Variants in DLGAP1 observed in about 807,000 individuals in gnomAD.
DLGAP1 encodes the protein DLG associated protein 1.
A neutral mutation model predicts 90.8 loss-of-function variants in DLGAP1; 11 were observed. The observed-to-expected ratio is 0.12, with a 90% CI of 0.08 to 0.20. The LOEUF is 0.20. Ranked by LOEUF, DLGAP1 falls within the 10% of genes least tolerant of loss-of-function variation. The probability of loss-of-function intolerance (pLI) is 1.00; values close to 1 mark genes in which losing one functional copy is unlikely to be tolerated. For synonymous variants in DLGAP1, 558 were observed against 540.7 expected, an observed-to-expected ratio of 1.03 and a Z score of -0.44; for missense variants, 1,050 against 1,333.8, an observed-to-expected ratio of 0.79 and a Z score of 3.31.
At chr18:4,029,244 C>T (rs1424318509) in intron 2 of DLGAP1, among the ~76,000 whole-genome samples, 1 of 152,148 alleles carries the variant, frequency 6.6e-6, no homozygotes, top group African/African-American at 2.4e-5. Context: ...TCTCTTTATT[C>T]ATTCAACCAC....
At chr18:3,614,316 G>T (rs2057757338) in intron 7 of DLGAP1, among the ~76,000 whole-genome samples, 1 of 152,150 alleles carries the variant, frequency 6.6e-6, no homozygotes, top group Admixed American at 6.6e-5. Flanking sequence ...ATATTGAACT[G>T]GGGTTCTGGG....
chr18:3,567,655 T>A, intron 8 of DLGAP1, 74 bp from the exon 9 acceptor site: 1 of 1,346,106 alleles, frequency 7.4e-7, no homozygotes. Flanking sequence ...TCACATTTTA[T>A]GAGAAAAATC....
chr18:4,454,069 A>C lies in DLGAP1; in HGVS notation c.-267+937T>G, dbSNP rs561403554. Reference sequence around the variant, plus strand: ...TGTCTCCGGCGCCGGCAGCCGAGCCACGGGCCACCCCTTCCCACGGCCTCC... The same window carrying C: ...TGTCTCCGGCGCCGGCAGCCGAGCCCCGGGCCACCCCTTCCCACGGCCTCC... On this transcript the variant is annotated intron_variant, in intron 1 of 12. Coordinates refer to ENST00000315677, the MANE Select transcript of DLGAP1 (RefSeq NM_004746.4). This position sits in a 1 kb window ranked among gnomAD's most constrained non-coding sequence, Gnocchi z 4.7. Among the ~76,000 whole-genome samples the C allele has an allele frequency of 2.0e-3, 303 of 152,312 alleles. 2 individuals are homozygous for C. Among genetic ancestry groups the C allele is most frequent in the Non-Finnish European group, 3.5e-3 (235 of 68,024 alleles).
chr18:3,751,885 T>C (rs1396786682), intron 5 of DLGAP1, among the ~76,000 whole-genome samples: 4 of 127,448 alleles, frequency 3.1e-5, no homozygotes, highest in Admixed American at 2.4e-4. Context: ...TTCTTCTTCT[T>C]TTTTTTTTTT....
At chr18:3,999,990 T>C (rs1360012656) in intron 3 of DLGAP1, among the ~76,000 whole-genome samples, 1 of 152,112 alleles carries the variant, frequency 6.6e-6, no homozygotes, top group Non-Finnish European at 1.5e-5. Context: ...TTAAAAATGT[T>C]TTTGTAGGGA....
At chr18:3,772,003 A>C (rs1244631293) in intron 5 of DLGAP1, among the ~76,000 whole-genome samples, 1 of 152,268 alleles carries the variant, frequency 6.6e-6, no homozygotes, top group Non-Finnish European at 1.5e-5. Flanking sequence ...GCGCAAATTT[A>C]AAATACAATA....
rs370643239 is a variant in DLGAP1 at position 4,351,698 on chromosome 18, C to T, written c.-267+103308G>A. On this transcript the variant is annotated intron_variant, in intron 1 of 12. Transcript: ENST00000315677. ...GAGTAGCTAGTCAGTTATCAGTTATCAAAGTATGAGTTTCATCATGAATAG... is the reference window on the plus strand; with the variant it reads ...GAGTAGCTAGTCAGTTATCAGTTATTAAAGTATGAGTTTCATCATGAATAG... Among the ~76,000 whole-genome samples the T allele has an allele frequency of 4.6e-5, 7 of 152,248 alleles. No individual in the cohort carries two copies. In the East Asian group the frequency reaches 9.7e-4, roughly 21 times the overall value.
At chr18:3,601,782 T>C (rs1599474752) in intron 7 of DLGAP1, among the ~76,000 whole-genome samples, 1 of 144,576 alleles carries the variant, frequency 6.9e-6, no homozygotes, top group African/African-American at 2.6e-5. Context: ...GAAGCGGAGG[T>C]TGCAGCAAGC....
At chr18:4,382,946 G>A (rs1248374604) in intron 1 of DLGAP1, among the ~76,000 whole-genome samples, 1 of 152,114 alleles carries the variant, frequency 6.6e-6, no homozygotes, top group Non-Finnish European at 1.5e-5. Context: ...GGGCAACTAA[G>A]AACCTTGGAA....
At chr18:3,834,612 G>T (rs1001738984) in intron 4 of DLGAP1, among the ~76,000 whole-genome samples, 3 of 152,104 alleles carry the variant, frequency 2.0e-5, no homozygotes, top group African/African-American at 7.2e-5. Flanking sequence ...GAATGTGTAC[G>T]TACACATATA....
intron 1 of DLGAP1, among the ~76,000 whole-genome samples, chr18:4,296,116 G>A (rs753044534): frequency 1.3e-5 from 2 of 152,180 alleles, no homozygotes; most frequent in African/African-American, 2.4e-5. Flanking sequence ...CAACATTCAA[G>A]CAACCTTCTA....
chr18:3,683,109 G>C lies in DLGAP1; in HGVS notation c.1591+46026C>G, dbSNP rs548704621. On this transcript the variant is annotated intron_variant, in intron 7 of 12. Transcript: ENST00000315677. ...CTGACCTCATGATCCACCCGCCTCA[G>C]CCTCCCAAAATGTTGGGATTACAGG... Among the ~76,000 whole-genome samples the C allele has an allele frequency of 7.9e-5, 12 of 152,182 alleles. No individual in the cohort carries two copies. In the East Asian group the frequency reaches 2.3e-3, roughly 29 times the overall value.
At chr18:3,812,313 A>T in intron 5 of DLGAP1, among the ~76,000 whole-genome samples, 1 of 151,262 alleles carries the variant, frequency 6.6e-6, no homozygotes, top group Admixed American at 6.6e-5. Context: ...TAATTTTCTG[A>T]GCTTCTGCTA....
intron 3 of DLGAP1, among the ~76,000 whole-genome samples, chr18:3,882,503 G>C (rs148036723): frequency 5.4e-4 from 81 of 149,872 alleles, no homozygotes; most frequent in African/African-American, 1.9e-3. Context: ...CTTCAGCCTG[G>C]GTGACAGAAT....
At chr18:3,906,379 A>G (rs1266684248) in intron 3 of DLGAP1, among the ~76,000 whole-genome samples, 3 of 152,056 alleles carry the variant, frequency 2.0e-5, no homozygotes, top group East Asian at 1.9e-4. Flanking sequence ...TTTTTCTCTC[A>G]GTATAGTTGA....
chr18:4,077,323 A>G (rs1356087823), intron 2 of DLGAP1, among the ~76,000 whole-genome samples: 1 of 152,140 alleles, frequency 6.6e-6, no homozygotes, highest in Admixed American at 6.6e-5. Flanking sequence ...TCTTGAAGTG[A>G]TACTAGGAGA....
intron 1 of DLGAP1, among the ~76,000 whole-genome samples, chr18:4,445,214 C>T (rs2083631146): frequency 6.6e-6 from 1 of 152,124 alleles, no homozygotes; most frequent in Non-Finnish European, 1.5e-5. Context: ...CTTAGATGTT[C>T]CAGTAATGTC....
At chr18:4,268,326 T>G (rs1276430427) in intron 1 of DLGAP1, among the ~76,000 whole-genome samples, 1 of 152,204 alleles carries the variant, frequency 6.6e-6, no homozygotes, top group African/African-American at 2.4e-5. Flanking sequence ...AAACAGTATT[T>G]TTTAATAATT....
chr18:3,879,700 G>A lies in DLGAP1; in HGVS notation c.369C>T (p.Tyr123=). The A allele has an allele frequency of 6.2e-7, 1 of 1,608,374 alleles. No individual in the cohort carries two copies. Among genetic ancestry groups the A allele is most frequent in the East Asian group, 2.2e-5 (1 of 44,850 alleles). The change falls in exon 4 of 13, where the codon TAC becomes TAT. Residue 123 remains tyrosine (Y), a synonymous_variant. Transcript: ENST00000315677. The surrounding 1 kb of genome is among the most constrained non-coding windows in gnomAD (Gnocchi z 6.6). ...TGCGGTGCTCCACGGCCGTGCGCTT[G>A]TACTGCAGGGTGTGATAGCCATCGC... ...LSRDGYHTLQ[Y]KRTAVEHRSD... is the part of the protein sequence containing the mutation.
Sources: allele counts gnomAD v4.1 joint callset (sites outside exome capture counted in the v4.1 genomes callset), GRCh38; gene constraint gnomAD v4.1.1; non-coding constraint Gnocchi (gnomAD v3.1); transcripts MANE v1.5; gene names NCBI Gene and HGNC (gene_info 2026-07-23, HGNC 2026-07-21).